Variants in NAV1 observed in about 807,000 individuals in gnomAD.
The protein encoded by NAV1 is neuron navigator 1.
NAV1 carries 18 observed loss-of-function variants against 175.2 expected under a neutral mutation model. That is an observed-to-expected ratio of 0.10 (90% CI 0.07 to 0.15). The LOEUF (loss-of-function observed/expected upper bound fraction) is 0.15. NAV1 is among the 10% of genes least tolerant of loss of function. NAV1 has a pLI of 1.00. For missense variants in NAV1, 1,731 were observed against 2,436.6 expected, an observed-to-expected ratio of 0.71 and a Z score of 6.10; for synonymous variants, 897 against 978.7, an observed-to-expected ratio of 0.92 and a Z score of 1.56.
chr1:201,653,357 C>G (rs1418600327), intron 1 of NAV1, among the ~76,000 whole-genome samples: 1 of 152,192 alleles, frequency 6.6e-6, no homozygotes, highest in African/African-American at 2.4e-5. Context: ...TTCCTAGTCC[C>G]TCTTCATCTC....
At position 201,808,842 on chromosome 1, in the gene NAV1, A is replaced by G. The variant is rs754047148; in HGVS notation, c.4178A>G (p.His1393Arg). 1.9e-6 allele frequency: 3 copies of G among 1,613,094 alleles called. No individual in the cohort carries two copies. The highest frequency in any genetic ancestry group is 2.5e-6 in the Non-Finnish European group (3 of 1,179,574). The change falls in exon 20 of 30, where the codon CAT (histidine) becomes CGT (arginine). Residue 1393 changes from histidine to arginine, a missense_variant. Around this residue, in one of 13 missense-constraint regions of NAV1, gnomAD observed 122 missense variants for 139.4 expected, o/e 0.88. Coordinates refer to ENST00000367296, the Ensembl canonical transcript of NAV1. This position sits in a 1 kb window ranked among gnomAD's most constrained non-coding sequence, Gnocchi z 5.5. ...CGCTCCCTAGGCCTGGCACTCACCC[A>G]TTCCTTCGGCCCCAGTCTTGCAGAC... is the stretch of plus-strand genomic sequence containing the variant.
intron 2 of NAV1, among the ~76,000 whole-genome samples, chr1:201,612,152 G>A (rs1667866436): frequency 1.3e-5 from 2 of 152,064 alleles, no homozygotes; most frequent in African/African-American, 4.8e-5. Context: ...TTTAGACTGG[G>A]CAATTTGTAA....
intron 3 of NAV1, among the ~76,000 whole-genome samples, chr1:201,745,258 A>G (rs1361662924): frequency 6.6e-6 from 1 of 152,192 alleles, no homozygotes; most frequent in Non-Finnish European, 1.5e-5. Flanking sequence ...CCTCCCACAC[A>G]CATGCATATG....
rs1665426631 is a variant in NAV1, at chr1:201,539,135, G to T, written c.-351G>T. 6.6e-6 allele frequency among the ~76,000 whole-genome samples: 1 copy of T among 152,216 alleles called. No homozygotes were observed. The highest frequency in any genetic ancestry group is 2.1e-4 in the South Asian group (1 of 4,836). On this transcript the variant is annotated 5_prime_UTR_variant, in exon 1 of 34. Coordinates refer to the NAV1 transcript ENST00000685211. This position sits in a 1 kb window ranked among gnomAD's most constrained non-coding sequence, Gnocchi z 5.6. ...ATGCCGCCTCCCTCCTCATTGTGGG[G>T]CCGGGGCCGGCGGCTGCCCTAGTGC...
chr1:201,648,425 C>A (rs1053859080), exon 1 of NAV1: 2 of 1,230,308 alleles, frequency 1.6e-6, no homozygotes, highest in Non-Finnish European at 2.0e-6. Context: ...CTATCGCTCC[C>A]CGGCTTCCCT....
At chr1:201,715,902 G>A (rs1427212593) in intron 2 of NAV1, among the ~76,000 whole-genome samples, 3 of 152,160 alleles carry the variant, frequency 2.0e-5, no homozygotes, top group African/African-American at 7.2e-5. Flanking sequence ...CCCAGAGAAA[G>A]GCAAGCCTGA....
At position 201,600,264 on chromosome 1, in the gene NAV1, C is replaced by T. The variant is rs114186674; in HGVS notation, c.-33+11615C>T. ...CTCCCTTGACTTGCTTTCTCTGTTTCTCTGTGACTTTCTCTTCCTTTTACT... is the reference window on the plus strand; with the variant it reads ...CTCCCTTGACTTGCTTTCTCTGTTTTTCTGTGACTTTCTCTTCCTTTTACT... On this transcript the variant is annotated intron_variant, in intron 2 of 33. Coordinates refer to the NAV1 transcript ENST00000685211. 2.0e-3 allele frequency among the ~76,000 whole-genome samples: 309 copies of T among 152,328 alleles called. 1 individual carries two copies. Among genetic ancestry groups the T allele is most frequent in the African/African-American group, 7.3e-3 (302 of 41,576 alleles).
At chr1:201,541,735 T>C (rs1283195488) in intron 1 of NAV1, among the ~76,000 whole-genome samples, 1 of 152,156 alleles carries the variant, frequency 6.6e-6, no homozygotes, top group Non-Finnish European at 1.5e-5. Flanking sequence ...GATCATGCCA[T>C]TGCACTCCAG....
chr1:201,601,198 C>T (rs1230370502), intron 2 of NAV1, among the ~76,000 whole-genome samples: 2 of 152,232 alleles, frequency 1.3e-5, no homozygotes, highest in Non-Finnish European at 1.5e-5. Context: ...TGTTGGAATC[C>T]TGGCTGGGTG....
At chr1:201,814,543 T>C (rs1228867032) in intron 28 of NAV1, among the ~76,000 whole-genome samples, 1 of 152,152 alleles carries the variant, frequency 6.6e-6, no homozygotes, top group Non-Finnish European at 1.5e-5. Flanking sequence ...ATGGGTCATA[T>C]ATTATCTGTA....
chr1:201,670,451 A>G (rs1669996645), intron 1 of NAV1, among the ~76,000 whole-genome samples: 1 of 150,968 alleles, frequency 6.6e-6, no homozygotes, highest in African/African-American at 2.4e-5. Flanking sequence ...TGAGATTCAT[A>G]TAAATTTTGA....
chr1:201,792,070 G>C (rs1265738412), intron 13 of NAV1: 5 of 152,138 alleles, frequency 3.3e-5, no homozygotes, highest in Non-Finnish European at 7.4e-5. Flanking sequence ...CTGGGCTGAA[G>C]CCAAGAAATT....
At chr1:201,585,102 T>TC (rs774018991) in intron 1 of NAV1, among the ~76,000 whole-genome samples, 4 of 151,764 alleles carry the variant, frequency 2.6e-5, no homozygotes, top group African/African-American at 2.4e-5. Context: ...CCTGATCTTC[T>TC]CCCCAGTCTC....
At chr1:201,663,770 A>AG (rs1302469944) in intron 1 of NAV1, among the ~76,000 whole-genome samples, 29 of 152,022 alleles carry the variant, frequency 1.9e-4, no homozygotes, top group African/African-American at 6.3e-4. Context: ...GGTTGTGGGG[A>AG]GGGTCCCCTG....
chr1:201,742,631 C>A lies in NAV1; in HGVS notation c.1226+23876C>A, dbSNP rs184565460. 1.1e-3 allele frequency among the ~76,000 whole-genome samples: 164 copies of A among 152,246 alleles called. 2 individuals are homozygous for A. The highest frequency in any genetic ancestry group is 6.0e-3 in the Admixed American group (92 of 15,300). On this transcript the variant is annotated intron_variant, in intron 3 of 29. Coordinates refer to ENST00000367296, the Ensembl canonical transcript of NAV1. ...CTCCTAGACTCCCTCCTGGAAAGAA[C>A]CCTTAGCTAGAGCCTGGGGATCAGT...
chr1:201,751,526 T>C (rs1350195728), intron 3 of NAV1, among the ~76,000 whole-genome samples: 1 of 152,206 alleles, frequency 6.6e-6, no homozygotes, highest in African/African-American at 2.4e-5. Context: ...AGTGCATCAG[T>C]AAGGATTTGC....
At chr1:201,708,231 C>G (rs963917728) in intron 1 of NAV1, among the ~76,000 whole-genome samples, 2 of 148,542 alleles carry the variant, frequency 1.3e-5, no homozygotes, top group African/African-American at 5.0e-5. Flanking sequence ...CTGTGAATTG[C>G]CGTGGTGATG....
intron 3 of NAV1, among the ~76,000 whole-genome samples, chr1:201,753,512 G>T (rs1211341373): frequency 6.6e-6 from 1 of 152,184 alleles, no homozygotes; most frequent in Non-Finnish European, 1.5e-5. Context: ...CCTTATTAGA[G>T]AAACGGATTG....
chr1:201,672,688 T>C (rs1670088089), intron 1 of NAV1, among the ~76,000 whole-genome samples: 1 of 152,356 alleles, frequency 6.6e-6, no homozygotes, highest in African/African-American at 2.4e-5. Flanking sequence ...CTCTGCTGCC[T>C]TTCAGGGTGT....
Sources: gnomAD v4.1 joint callset for allele counts (sites outside exome capture counted in the v4.1 genomes callset) on GRCh38, gnomAD v4.1.1 for gene constraint, gnomAD v4.1.1 regional missense constraint, Gnocchi (gnomAD v3.1) non-coding constraint, MANE v1.5 for transcripts, NCBI Gene and HGNC (gene_info 2026-07-23, HGNC 2026-07-21) for gene names.